Variants in GALNT9 observed in about 807,000 individuals in gnomAD.
The protein encoded by GALNT9 is polypeptide N-acetylgalactosaminyltransferase 9.
In GALNT9, 47 loss-of-function variants were observed where a neutral mutation model predicts 63.1. The ratio of observed to expected loss-of-function variants is 0.75; its 90% CI spans 0.59 to 0.95. GALNT9 has a LOEUF of 0.95. Ranked by LOEUF, GALNT9 falls within the 40% of genes least tolerant of loss-of-function variation. The pLI is 0.00. For synonymous variants in GALNT9, 396 were observed against 365.7 expected, an observed-to-expected ratio of 1.08 and a Z score of -0.94; for missense variants, 829 against 874.8, an observed-to-expected ratio of 0.95 and a Z score of 0.66.
chr12:132,268,019 G>A (rs1454001054), intron 2 of GALNT9, among the ~76,000 whole-genome samples: 1 of 137,638 alleles, frequency 7.3e-6, no homozygotes, highest in Non-Finnish European at 1.6e-5. Context: ...AGATACACAC[G>A]AACACACATG....
intron 6 of GALNT9, among the ~76,000 whole-genome samples, chr12:132,204,872 C>T (rs543504014): frequency 6.6e-6 from 1 of 152,304 alleles, no homozygotes; most frequent in Non-Finnish European, 1.5e-5. Flanking sequence ...GTCCTCAGCC[C>T]TGAGCCTGCC....
chr12:132,240,635 C>A (rs2136899007), intron 6 of GALNT9: 2 of 450,826 alleles, frequency 4.4e-6, no homozygotes, highest in Admixed American at 2.4e-5. Context: ...GCTCTATGGG[C>A]CTCGGACCTG....
At chr12:132,215,092 G>A (rs527718600) in intron 6 of GALNT9, among the ~76,000 whole-genome samples, 1 of 152,346 alleles carries the variant, frequency 6.6e-6, no homozygotes, top group East Asian at 1.9e-4. Flanking sequence ...AAGGGCGTTT[G>A]GGAGGAAACG....
intron 5 of GALNT9, among the ~76,000 whole-genome samples, chr12:132,257,324 T>A (rs1044753215): frequency 9.2e-5 from 14 of 152,270 alleles, no homozygotes; most frequent in African/African-American, 2.6e-4. Flanking sequence ...AAGCTCTGTG[T>A]GCCAAGTTTT....
Position 132,213,589 on chromosome 12 carries a change from T to TCA in GALNT9, c.1078-9901_1078-9900dup, listed in dbSNP as rs551752725. On this transcript the variant is annotated intron_variant, in intron 6 of 10. Coordinates refer to ENST00000328957, the MANE Select transcript of GALNT9 (RefSeq NM_001122636.2). ...CACAGGCACTCCCACCTACACACAG[T>TCA]CACACACACACACTCACACACATGT... 7.2e-3 allele frequency among the ~76,000 whole-genome samples: 1,099 copies of TCA among 151,612 alleles called. 12 individuals are homozygous for TCA. The highest frequency in any genetic ancestry group is 0.024 in the African/African-American group (1,003 of 41,320).
At chr12:132,223,199 TACACCCTACACAACCCGCACCCCAG>T (rs1877541988) in intron 6 of GALNT9, among the ~76,000 whole-genome samples, 1 of 19,510 alleles carries the variant, frequency 5.1e-5, no homozygotes, top group Non-Finnish European at 8.7e-5. Context: ...ACACCCCACA[TACACCCTACACAACCCGCACCCCAG>T]ACACCCCACA....
intron 5 of GALNT9, among the ~76,000 whole-genome samples, chr12:132,256,502 G>A (rs868966497): frequency 6.7e-6 from 1 of 150,220 alleles, no homozygotes; most frequent in Admixed American, 6.6e-5. Flanking sequence ...TTGCATGTAC[G>A]CATGTCTCAT....
chr12:132,279,004 A>C lies in GALNT9; in HGVS notation c.419+7246T>G, dbSNP rs1880224819. Reference sequence around the variant, plus strand: ...GCCCAGCCCATCCCATCCCAACAGGACTCAGCCTCCAGTGGCTACCATCAG... The same window carrying C: ...GCCCAGCCCATCCCATCCCAACAGGCCTCAGCCTCCAGTGGCTACCATCAG... On this transcript the variant is annotated intron_variant, in intron 2 of 10. Transcript: ENST00000328957. This position sits in a 1 kb window ranked among gnomAD's most constrained non-coding sequence, Gnocchi z 4.1. The C allele has an allele frequency of 1.3e-5, 2 of 152,200 alleles. No homozygotes were observed. Among genetic ancestry groups the C allele is most frequent in the Middle Eastern group, 3.4e-3 (1 of 294 alleles). The allele number at this position is 152,200 out of a possible 1,614,324, so 9.4% of individuals were successfully genotyped here.
At chr12:132,269,419 C>T (rs904195119) in intron 2 of GALNT9, among the ~76,000 whole-genome samples, 3 of 152,168 alleles carry the variant, frequency 2.0e-5, no homozygotes, top group African/African-American at 7.2e-5. Flanking sequence ...AGGTCAGCAG[C>T]GTCCTCCGGG....
In GALNT9 at chr12:132,261,102, C is replaced by A; in HGVS notation, c.607G>T (p.Asp203Tyr). 2 of 1,551,426 alleles carry A rather than the reference C, an allele frequency of 1.3e-6. No homozygotes were observed. Reference sequence around the variant, plus strand: ...GGGTACCGCTTGTTGACGTACTGGTCCAGATTGAACTTGAGTTCCACTGAG... The same window carrying A: ...GGGTACCGCTTGTTGACGTACTGGTACAGATTGAACTTGAGTTCCACTGAG... ...SDNVELKFNL[D>Y]QYVNKRYPGL... The change falls in exon 4 of 11, where the codon GAC (aspartate) becomes TAC (tyrosine). Residue 203 changes from aspartate to tyrosine, a missense_variant. Asp to Tyr is a radical substitution (Grantham distance 160, BLOSUM62 -3). Coordinates refer to ENST00000328957, the MANE Select transcript of GALNT9 (RefSeq NM_001122636.2).
At chr12:132,235,101 C>G (rs1447475256) in intron 6 of GALNT9, among the ~76,000 whole-genome samples, 1 of 90,570 alleles carries the variant, frequency 1.1e-5, no homozygotes, top group African/African-American at 5.9e-5. Context: ...GTGCCACACA[C>G]TCGATGGCGT....
chr12:132,273,305 T>C (rs1879937266), intron 2 of GALNT9: 2 of 152,320 alleles, frequency 1.3e-5, no homozygotes, highest in Non-Finnish European at 2.9e-5. Flanking sequence ...GTATTTTCAG[T>C]AGAGACGGGG....
rs1272495824 is a variant in GALNT9 at position 132,282,599 on chromosome 12, T to A, written c.419+3651A>T. ...GCTCCAAGCTCTCCCCTCTTGATGA[T>A]AAGGTTGCTGCAGCTCCCCCAGCTC... On this transcript the variant is annotated intron_variant, in intron 2 of 10. Coordinates refer to ENST00000328957, the MANE Select transcript of GALNT9 (RefSeq NM_001122636.2). The surrounding 1 kb of genome is among the most constrained non-coding windows in gnomAD (Gnocchi z 4.5). Among the ~76,000 whole-genome samples, 1 of 151,970 alleles carries A rather than the reference T, an allele frequency of 6.6e-6. No individual in the cohort carries two copies. Among genetic ancestry groups the A allele is most frequent in the Admixed American group, 6.6e-5 (1 of 15,252 alleles).
In GALNT9 at chr12:132,246,880, G is replaced by A. The variant is rs1340042226; in HGVS notation, c.1077+1030C>T. Among the ~76,000 whole-genome samples, 4 of 152,192 alleles carry A rather than the reference G, an allele frequency of 2.6e-5. No individual in the cohort carries two copies. Among genetic ancestry groups the A allele is most frequent in the East Asian group, 3.8e-4 (2 of 5,198 alleles). The stretch of plus-strand genomic sequence containing the variant: ...ACCTGAGTTAAACAATCGCGGCCAC[G>A]GGGAAGGAGGCCGTTTTATTGATTG... On this transcript the variant is annotated intron_variant, in intron 6 of 10. Coordinates refer to ENST00000328957, the MANE Select transcript of GALNT9 (RefSeq NM_001122636.2). The surrounding 1 kb of genome is among the most constrained non-coding windows in gnomAD (Gnocchi z 4.7).
chr12:132,197,067 C>T lies in GALNT9; in HGVS notation c.*40G>A, dbSNP rs756447048. 4.5e-5 allele frequency: 72 copies of T among 1,608,238 alleles called. No homozygotes were observed. The highest frequency in any genetic ancestry group is 5.4e-5 in the Non-Finnish European group (64 of 1,176,506). On this transcript the variant is annotated 3_prime_UTR_variant, in exon 11 of 11. Transcript: ENST00000328957. ...ACTCAGCCACACTGGCTCGGCCCAG[C>T]GCCTTCCCGAGGTCTGTGGGGGTCC... is the stretch of plus-strand genomic sequence containing the variant.
Position 132,201,140 on chromosome 12 carries a change from G to T in GALNT9, c.1385C>A (p.Thr462Asn). ...AGGTGCTACCTCTCCGTACGTGAGGGTGTTGTTGTAGACCCTCATCTCCGG... is the reference window on the plus strand; with the variant it reads ...AGGTGCTACCTCTCCGTACGTGAGGTTGTTGTTGTAGACCCTCATCTCCGG... ...VYPEMRVYNNTLTYGEVRNSK... is the reference protein window; with the variant it reads ...VYPEMRVYNNNLTYGEVRNSK... The change falls in exon 8 of 11, where the codon ACC (threonine) becomes AAC (asparagine). Residue 462 changes from threonine (T) to asparagine (N), a missense_variant. Thr to Asn is a moderately conservative substitution (Grantham distance 65). Transcript: ENST00000328957. The T allele has an allele frequency of 6.2e-7, 1 of 1,613,420 alleles. No homozygotes were observed. Among genetic ancestry groups the T allele is most frequent in the Non-Finnish European group, 8.5e-7 (1 of 1,179,764 alleles).
chr12:132,262,054 G>A (rs1879408224), intron 3 of GALNT9, among the ~76,000 whole-genome samples: 1 of 152,194 alleles, frequency 6.6e-6, no homozygotes, highest in South Asian at 2.1e-4. Context: ...TGTGGAAGGG[G>A]GTGGCTGACC....
Position 132,325,483 on chromosome 12 carries a change from G to T in GALNT9, c.238+3483C>A, listed in dbSNP as rs35181597. The stretch of plus-strand genomic sequence containing the variant: ...GAAGCCTGAGTCCATGTCCCCAGAG[G>T]GGGGGCCGTGGGCAGGATGAGCGTG... On this transcript the variant is annotated intron_variant, in intron 1 of 10. Transcript: ENST00000328957. Among the ~76,000 whole-genome samples, 7 of 152,072 alleles carry T rather than the reference G, an allele frequency of 4.6e-5. 1 individual carries two copies. Among genetic ancestry groups the T allele is most frequent in the Admixed American group, 1.3e-4 (2 of 15,282 alleles).
rs1555244546 is a variant in GALNT9 at position 132,305,505 on chromosome 12, TCACCC to T, written c.239-19080_239-19076del. 3.6e-4 allele frequency among the ~76,000 whole-genome samples: 45 copies of T among 123,938 alleles called. 4 individuals carry two copies. The highest frequency in any genetic ancestry group is 1.5e-3 in the African/African-American group (44 of 29,124). The allele number at this position is 123,938 out of a possible 152,430, so 81.3% of individuals were successfully genotyped here. ...GGCACACCCTCACCGGGGCACACCC[TCACCC>T]GGGCACAGCCTCACCCGGGCACACC... On this transcript the variant is annotated intron_variant, in intron 1 of 10. Coordinates refer to ENST00000328957, the MANE Select transcript of GALNT9 (RefSeq NM_001122636.2).
Sources: gnomAD v4.1 joint callset for allele counts (sites outside exome capture counted in the v4.1 genomes callset) on GRCh38, gnomAD v4.1.1 for gene constraint, Gnocchi (gnomAD v3.1) non-coding constraint, MANE v1.5 for transcripts, NCBI Gene and HGNC (gene_info 2026-07-23, HGNC 2026-07-21) for gene names.